Variants in GMDS observed in about 807,000 individuals in gnomAD.
The protein encoded by GMDS is GDP-mannose 4,6-dehydratase, also known as GDP-mannose 4,6 dehydratase.
A neutral mutation model predicts 49.9 loss-of-function variants in GMDS; 20 were observed. That is an observed-to-expected ratio of 0.40 (90% confidence interval 0.28 to 0.58). GMDS has a LOEUF of 0.58. Ranked by LOEUF, GMDS falls within the 20% of genes least tolerant of loss-of-function variation. The pLI, the probability that GMDS is intolerant of heterozygous loss-of-function variation, is 0.42. For missense variants in GMDS, 362 were observed against 481.4 expected (o/e 0.75, Z 2.32); for synonymous variants, 177 against 178.6 (o/e 0.99, Z 0.07).
chr6:2,097,469 T>A (rs1773674495), intron 4 of GMDS, among the ~76,000 whole-genome samples: 1 of 152,166 alleles, frequency 6.6e-6, no homozygotes, highest in Non-Finnish European at 1.5e-5. Flanking sequence ...TGAAACTGAA[T>A]GTAAATTATG....
intron 7 of GMDS, among the ~76,000 whole-genome samples, chr6:1,775,515 C>T (rs975898199): frequency 3.9e-5 from 6 of 152,228 alleles, no homozygotes; most frequent in African/African-American, 9.6e-5. Context: ...GTGGCACTCT[C>T]ACTGGACATG....
Position 1,665,866 on chromosome 6 carries a change from A to G in GMDS, c.988-41326T>C, listed in dbSNP as rs372412923. On this transcript the variant is annotated intron_variant, in intron 9 of 10. Transcript: ENST00000380815. Reference sequence around the variant, plus strand: ...GTGTGAAAAAGCTCTCCTGAGCTCAAATAAGAACTACTTTCTAAATATCAC... The same window carrying G: ...GTGTGAAAAAGCTCTCCTGAGCTCAGATAAGAACTACTTTCTAAATATCAC... Among the ~76,000 whole-genome samples the G allele has an allele frequency of 5.9e-5, 9 of 152,256 alleles. No individual in the cohort carries two copies. The East Asian group carries it at 7.7e-4, about 13-fold the overall frequency.
intron 7 of GMDS, among the ~76,000 whole-genome samples, chr6:1,880,075 T>A (rs916840728): frequency 9.2e-5 from 14 of 151,976 alleles, no homozygotes; most frequent in Non-Finnish European, 1.8e-4. Flanking sequence ...TAAATAGAGT[T>A]TCTATTACAG....
intron 9 of GMDS, among the ~76,000 whole-genome samples, chr6:1,684,770 C>G (rs764223629): frequency 5.9e-5 from 9 of 152,160 alleles, no homozygotes; most frequent in Non-Finnish European, 1.0e-4. Flanking sequence ...CAAAACTCAT[C>G]AAATGTACAC....
chr6:1,661,133 C>T (rs1437360632), intron 9 of GMDS, among the ~76,000 whole-genome samples: 1 of 152,172 alleles, frequency 6.6e-6, no homozygotes, highest in Non-Finnish European at 1.5e-5. Context: ...GTCCTCTCGG[C>T]TTCTGGAAAA....
intron 9 of GMDS, among the ~76,000 whole-genome samples, chr6:1,651,727 C>G (rs1763657005): frequency 6.6e-6 from 1 of 152,180 alleles, no homozygotes; most frequent in Non-Finnish European, 1.5e-5. Flanking sequence ...GCCAACCTCT[C>G]CATCCTTAGA....
chr6:2,220,466 G>A (rs1231570732), intron 1 of GMDS, among the ~76,000 whole-genome samples: 2 of 152,192 alleles, frequency 1.3e-5, no homozygotes, highest in Non-Finnish European at 2.9e-5. Flanking sequence ...AATGTGAATA[G>A]ATGTGAGACA....
At chr6:2,065,858 T>A (rs1318192918) in intron 4 of GMDS, among the ~76,000 whole-genome samples, 1 of 152,166 alleles carries the variant, frequency 6.6e-6, no homozygotes. Flanking sequence ...CAGGATATTA[T>A]CCAGAAGAAC....
intron 3 of GMDS, 56 bp downstream of exon 3, chr6:2,117,413 A>C: frequency 1.0e-6 from 1 of 998,606 alleles, no homozygotes; most frequent in Admixed American, 1.7e-5. Flanking sequence ...ATCTGAACAT[A>C]GGAACATCTG....
intron 7 of GMDS, among the ~76,000 whole-genome samples, chr6:1,880,050 A>G (rs1224924770): frequency 1.3e-5 from 2 of 152,188 alleles, no homozygotes; most frequent in Non-Finnish European, 2.9e-5. Flanking sequence ...ATGATAAATG[A>G]TGATGAATAT....
chr6:2,065,090 T>C (rs1771469087), intron 4 of GMDS, among the ~76,000 whole-genome samples: 1 of 152,122 alleles, frequency 6.6e-6, no homozygotes, highest in Non-Finnish European at 1.5e-5. Context: ...ACAGGCAGAC[T>C]GCCTCCTCAA....
chr6:2,099,353 A>G (rs530192154), intron 4 of GMDS, among the ~76,000 whole-genome samples: 1 of 152,250 alleles, frequency 6.6e-6, no homozygotes, highest in Non-Finnish European at 1.5e-5. Flanking sequence ...CAGTCAATAT[A>G]GTTACGGCAT....
At chr6:2,109,423 C>T (rs1253358993) in intron 4 of GMDS, among the ~76,000 whole-genome samples, 2 of 152,184 alleles carry the variant, frequency 1.3e-5, no homozygotes, top group African/African-American at 4.8e-5. Context: ...ACAGTCAAGT[C>T]CACATACATA....
At chr6:1,649,782 G>T (rs1351947941) in intron 9 of GMDS, among the ~76,000 whole-genome samples, 1 of 152,118 alleles carries the variant, frequency 6.6e-6, no homozygotes, top group Non-Finnish European at 1.5e-5. Flanking sequence ...CTCCAATCAA[G>T]ACATTTTTAC....
chr6:2,202,433 C>T (rs1036438402), intron 1 of GMDS, among the ~76,000 whole-genome samples: 1 of 147,768 alleles, frequency 6.8e-6, no homozygotes, highest in Non-Finnish European at 1.5e-5. Context: ...CAATTTCTTT[C>T]TATTTTTTTT....
In GMDS at chr6:1,821,623, T is replaced by TTG. The variant is rs1231954389; in HGVS notation, c.772-79038_772-79037insCA. 4.7e-5 allele frequency among the ~76,000 whole-genome samples: 7 copies of TTG among 147,578 alleles called. No individual in the cohort carries two copies. The East Asian group carries it at 1.4e-3, about 29-fold the overall frequency. On this transcript the variant is annotated intron_variant, in intron 7 of 10. Transcript: ENST00000380815. ...TAACAATTTATTTGTTTTTTTTTTTTTTTTTTTTTTTTTTTACCAAGATAA... is the reference window on the plus strand; with the variant it reads ...TAACAATTTATTTGTTTTTTTTTTTTTGTTTTTTTTTTTTTTTACCAAGATAA...
chr6:1,915,407 C>A (rs984148953), intron 7 of GMDS, among the ~76,000 whole-genome samples: 2 of 152,186 alleles, frequency 1.3e-5, no homozygotes, highest in East Asian at 3.9e-4. Flanking sequence ...GAGTGCTGAG[C>A]CTGAGCAGGG....
intron 7 of GMDS, among the ~76,000 whole-genome samples, chr6:1,914,145 T>G (rs1052473026): frequency 1.5e-4 from 22 of 147,660 alleles, no homozygotes; most frequent in Non-Finnish European, 2.5e-4. Context: ...TTTTTTTTTT[T>G]TTTTTTTTTT....
At chr6:1,993,765 G>C (rs985634001) in intron 4 of GMDS, among the ~76,000 whole-genome samples, 2 of 147,060 alleles carry the variant, frequency 1.4e-5, no homozygotes, top group African/African-American at 5.0e-5. Flanking sequence ...AAAAAGTAAA[G>C]ATTTATATAA....
Sources: gnomAD v4.1 joint callset for allele counts (sites outside exome capture counted in the v4.1 genomes callset) on GRCh38, gnomAD v4.1.1 for gene constraint, MANE v1.5 for transcripts, NCBI Gene and HGNC (gene_info 2026-07-23, HGNC 2026-07-21) for gene names.